The following LAMC3 variants were observed in gnomAD, a reference collection of about 807,000 sequenced individuals.
LAMC3 encodes the protein laminin subunit gamma 3, also known as laminin subunit gamma-3.
In LAMC3, 128 loss-of-function variants were observed where a neutral mutation model predicts 173.8. The ratio of observed to expected loss-of-function variants is 0.74; its 90% confidence interval spans 0.64 to 0.85. LAMC3 has a LOEUF of 0.85. LAMC3 is among the 40% of genes least tolerant of loss of function. The probability of loss-of-function intolerance (pLI) is 0.00; values close to 1 mark genes in which losing one functional copy is unlikely to be tolerated. For missense variants in LAMC3, 2,022 were observed against 2,156.0 expected, an observed-to-expected ratio of 0.94 and a Z score of 1.23; for synonymous variants, 897 against 909.1, an observed-to-expected ratio of 0.99 and a Z score of 0.24.
At position 131,038,984 on chromosome 9, in the gene LAMC3, G is replaced by T. The variant is rs752573959; in HGVS notation, c.1097G>T (p.Arg366Leu). 2 of 1,613,362 alleles carry T rather than the reference G, an allele frequency of 1.2e-6. No individual in the cohort carries two copies. Among genetic ancestry groups the T allele is most frequent in the Non-Finnish European group, 1.7e-6 (2 of 1,180,022 alleles). ...RDHTAGPHCE[R>L]CQENFYHWDP... Reference sequence around the variant, plus strand: ...CACACAGCTGGGCCACACTGTGAGCGCTGTCAGGAGAATTTCTATCACTGG... The same window carrying T: ...CACACAGCTGGGCCACACTGTGAGCTCTGTCAGGAGAATTTCTATCACTGG... Residue 366 changes from arginine (R) to leucine (L), a missense_variant, in exon 5 of 28, where the codon CGC (arginine) becomes CTC (leucine). By Grantham distance (102) the Arg-to-Leu change is moderately radical (BLOSUM62 -2). Transcript: ENST00000361069.
chr9:131,089,230 C>T (rs1317591044), intron 27 of LAMC3, among the ~76,000 whole-genome samples: 1 of 151,350 alleles, frequency 6.6e-6, no homozygotes, highest in Non-Finnish European at 1.5e-5. Context: ...ATGTAAATGA[C>T]CAGTTAATGG....
rs946127532 is a variant in LAMC3, at chr9:131,092,010, T to A, written c.*223T>A. 4.1e-5 allele frequency: 25 copies of A among 603,446 alleles called. No homozygotes were observed. The highest frequency in any genetic ancestry group is 7.1e-5 in the Non-Finnish European group (24 of 339,882). The allele number at this position is 603,446 out of a possible 1,614,324, so 37.4% of individuals were successfully genotyped here. A position where few individuals can be genotyped will look rare whatever the true frequency, so the allele number is the denominator to read the frequency against. ...AGTTCACCTGGACATGAGTGCACAC[T>A]CTCACCCCTGCACATGCATAAACGG... is the stretch of plus-strand genomic sequence containing the variant. On this transcript the variant is annotated 3_prime_UTR_variant, in exon 28 of 28. Transcript: ENST00000361069.
chr9:131,069,047 C>G lies in LAMC3; in HGVS notation c.2887C>G (p.Arg963Gly). The G allele has an allele frequency of 6.2e-7, 1 of 1,613,478 alleles. No homozygotes were observed. ...CTTCGGCTTCTCCATCAAGGGCTGCCGGGGTAAGGAGGCTGGGTCCTTCCC... is the reference window on the plus strand; with the variant it reads ...CTTCGGCTTCTCCATCAAGGGCTGCGGGGGTAAGGAGGCTGGGTCCTTCCC... ...GFFGFSIKGCRACRCSPLGAA... is the reference protein window; with the variant it reads ...GFFGFSIKGCGACRCSPLGAA... The change falls in exon 16 of 28, where the codon CGG (arginine) becomes GGG (glycine). Residue 963 changes from arginine to glycine, a missense_variant. Coordinates refer to ENST00000361069, the MANE Select transcript of LAMC3 (RefSeq NM_006059.4).
In LAMC3 at chr9:131,079,133, C is replaced by T. The variant is rs762709756; in HGVS notation, c.3778-16C>T. Reference sequence around the variant, plus strand: ...TTCCTTTCCAGGCCCTGCCTGAGCGCATTGTCTCCCTGCAGCCTCAGAAGT... The same window carrying T: ...TTCCTTTCCAGGCCCTGCCTGAGCGTATTGTCTCCCTGCAGCCTCAGAAGT... On this transcript the variant is annotated splice_polypyrimidine_tract_variant and intron_variant, in intron 22 of 27. Coordinates refer to ENST00000361069, the MANE Select transcript of LAMC3 (RefSeq NM_006059.4). 1.2e-4 allele frequency: 193 copies of T among 1,611,858 alleles called. No homozygotes were observed. The highest frequency in any genetic ancestry group is 8.3e-4 in the Middle Eastern group (5 of 6,060).
At chr9:131,012,476 C>T (rs1833436200) in intron 1 of LAMC3, among the ~76,000 whole-genome samples, 1 of 152,256 alleles carries the variant, frequency 6.6e-6, no homozygotes, top group African/African-American at 2.4e-5. Flanking sequence ...CTGAGGCTCC[C>T]TTGCGGGGAT....
intron 1 of LAMC3, among the ~76,000 whole-genome samples, chr9:131,011,122 C>T (rs1166978486): frequency 3.9e-5 from 6 of 152,340 alleles, no homozygotes; most frequent in Non-Finnish European, 8.8e-5. Context: ...TATTCATTCG[C>T]TTTGCTACTG....
rs2133194198 is a variant in LAMC3, at chr9:131,009,649, G to A, written c.373+62G>A. The A allele has an allele frequency of 1.1e-5, 17 of 1,536,228 alleles. No individual in the cohort carries two copies. Among genetic ancestry groups the A allele is most frequent in the Middle Eastern group, 3.4e-4 (2 of 5,948 alleles). On this transcript the variant is annotated intron_variant, in intron 1 of 27. Coordinates refer to ENST00000361069, the MANE Select transcript of LAMC3 (RefSeq NM_006059.4). The surrounding 1 kb of genome is among the most constrained non-coding windows in gnomAD (Gnocchi z 4.3). Reference sequence around the variant, plus strand: ...TGTCCCCACTCCACTGGGGGTCTGAGGCTGAGGCCTGAGCTGCTGTGCGCC... The same window carrying A: ...TGTCCCCACTCCACTGGGGGTCTGAAGCTGAGGCCTGAGCTGCTGTGCGCC...
At position 131,032,159 on chromosome 9, in the gene LAMC3, T is replaced by C. The variant is rs778402563; in HGVS notation, c.793T>C (p.Phe265Leu). Residue 265 changes from phenylalanine (F) to leucine (L), a missense_variant, in exon 3 of 28, where the codon TTC becomes CTC. Coordinates refer to ENST00000361069, the MANE Select transcript of LAMC3 (RefSeq NM_006059.4). The stretch of plus-strand genomic sequence containing the variant: ...GTCCTACTATTATGCCGTGTCCGAC[T>C]TCTCTGTGGGCGGCAGGTAGGAGGG... The part of the protein sequence containing the change: ...LQSYYYAVSD[F>L]SVGGRCKCNG... 3.1e-6 allele frequency: 5 copies of C among 1,594,858 alleles called. No homozygotes were observed. In the East Asian group the frequency reaches 1.2e-4, roughly 37 times the overall value.
At chr9:131,016,888 C>A (rs928844301) in intron 1 of LAMC3, among the ~76,000 whole-genome samples, 1 of 152,210 alleles carries the variant, frequency 6.6e-6, no homozygotes, top group African/African-American at 2.4e-5. Flanking sequence ...AGTATTCTCT[C>A]ATGAAGCTTG....
intron 8 of LAMC3, 23 bp from the exon 9 acceptor site, chr9:131,048,997 G>A (rs1834230291): frequency 1.4e-6 from 2 of 1,462,810 alleles, no homozygotes; most frequent in South Asian, 1.2e-5. Context: ...ACTGATCGGG[G>A]GGTGTCTGTG....
At chr9:131,055,502 G>A (rs1157585239) in intron 11 of LAMC3, among the ~76,000 whole-genome samples, 13 of 135,562 alleles carry the variant, frequency 9.6e-5, no homozygotes, top group Non-Finnish European at 3.0e-5. Flanking sequence ...TCTGCTCACT[G>A]CAAGCTCCGC....
At chr9:131,069,887 T>G (rs1830011000) in intron 17 of LAMC3, 37 bp downstream of exon 17, 1 of 1,550,504 alleles carries the variant, frequency 6.4e-7, no homozygotes. Context: ...TTCCATTCAT[T>G]CTGTATTCCC....
chr9:131,035,088 T>TAATAGGCATGCGCTGCCAC (rs1301255782), intron 3 of LAMC3, among the ~76,000 whole-genome samples: 1 of 152,170 alleles, frequency 6.6e-6, no homozygotes, highest in African/African-American at 2.4e-5. Flanking sequence ...GTAGCTGGGA[T>TAATAGGCATGCGCTGCCAC]TATAGGCATG....
chr9:131,034,327 C>A (rs936000728), intron 3 of LAMC3, among the ~76,000 whole-genome samples: 1 of 152,238 alleles, frequency 6.6e-6, no homozygotes, highest in African/African-American at 2.4e-5. Flanking sequence ...TTGCCTGGCG[C>A]CTGCCTCACC....
In LAMC3 at chr9:131,057,064, A is replaced by G. The variant is rs759310713; in HGVS notation, c.2075A>G (p.Lys692Arg). The change falls in exon 12 of 28, where the codon AAG (lysine) becomes AGG (arginine). Residue 692 changes from lysine to arginine, a missense_variant. Physicochemically the swap from Lys to Arg is conservative, Grantham distance 26. Coordinates refer to ENST00000361069, the MANE Select transcript of LAMC3 (RefSeq NM_006059.4). ...TGTGAATCCTGTGCTCCGGGATACA[A>G]GAGGGAGATGCCACAGGGGGGTCCC... ...QFCESCAPGY[K>R]REMPQGGPYA... 2 of 1,614,166 alleles carry G rather than the reference A, an allele frequency of 1.2e-6. No homozygotes were observed. The highest frequency in any genetic ancestry group is 1.7e-5 in the Admixed American group (1 of 60,030).
At chr9:131,025,096 A>G (rs1378992123) in intron 1 of LAMC3, among the ~76,000 whole-genome samples, 1 of 152,144 alleles carries the variant, frequency 6.6e-6, no homozygotes, top group African/African-American at 2.4e-5. Flanking sequence ...CTCTCAGTGT[A>G]GAAGCCAGAT....
chr9:131,082,371 A>G (rs1830256840), intron 24 of LAMC3, among the ~76,000 whole-genome samples: 1 of 152,154 alleles, frequency 6.6e-6, no homozygotes, highest in Admixed American at 6.5e-5. Flanking sequence ...GCTATCCCAT[A>G]CACCCCAGGT....
At position 131,079,112 on chromosome 9, in the gene LAMC3, T is replaced by C. The variant is rs1008535490; in HGVS notation, c.3778-37T>C. 3.1e-6 allele frequency: 5 copies of C among 1,607,168 alleles called. No individual in the cohort carries two copies. In the African/African-American group the frequency reaches 5.3e-5, roughly 17 times the overall value. ...GAGAGGATCCGCTGCTTGCCCTTCC[T>C]TTCCAGGCCCTGCCTGAGCGCATTG... On this transcript the variant is annotated intron_variant, in intron 22 of 27. Transcript: ENST00000361069.
chr9:131,049,074 GGAGCCCAAATGGGGTCCTCCT>G lies in LAMC3; in HGVS notation c.1582_1602del (p.Asn528_Pro534del), dbSNP rs1834233472. 1.9e-6 allele frequency: 3 copies of G among 1,552,344 alleles called. No individual in the cohort carries two copies. The highest frequency in any genetic ancestry group is 2.0e-5 in the Admixed American group (1 of 51,160). On this transcript the variant is annotated inframe_deletion, in exon 9 of 28. Coordinates refer to ENST00000361069, the MANE Select transcript of LAMC3 (RefSeq NM_006059.4). ...GGGGGCTCTGAGCACCCCCCACAATGGAGCCCAAATGGGGTCCTCCTGAGCCCAGAAGACGAGGAGGAGCTC... is the reference window on the plus strand; with the variant it reads ...GGGGGCTCTGAGCACCCCCCACAATGGAGCCCAGAAGACGAGGAGGAGCTC...
Sources: gnomAD v4.1 joint callset for allele counts (sites outside exome capture counted in the v4.1 genomes callset) on GRCh38, gnomAD v4.1.1 for gene constraint, Gnocchi (gnomAD v3.1) non-coding constraint, MANE v1.5 for transcripts, NCBI Gene and HGNC (gene_info 2026-07-23, HGNC 2026-07-21) for gene names.